The following MYO10 variants were observed in gnomAD, a reference collection of about 807,000 sequenced individuals.
MYO10 encodes myosin X, also known as unconventional myosin-X.
A neutral mutation model predicts 257.3 loss-of-function variants in MYO10; 133 were observed. The observed-to-expected ratio is 0.52, with a 90% CI of 0.45 to 0.60. The LOEUF is 0.60. MYO10 is among the 20% of genes least tolerant of loss of function. The pLI is 0.00. For missense variants in MYO10, 2,399 were observed against 2,635.7 expected (o/e 0.91, Z 1.97); for synonymous variants, 1,104 against 1,028.6 (o/e 1.07, Z -1.40).
chr5:16,677,033 C>G (rs1472013921), intron 33 of MYO10, among the ~76,000 whole-genome samples: 1 of 152,108 alleles, frequency 6.6e-6, no homozygotes, highest in Non-Finnish European at 1.5e-5. Context: ...GGAGACTGTC[C>G]TTCCACGTGC....
chr5:16,678,656 C>T (rs2126488167), intron 33 of MYO10, among the ~76,000 whole-genome samples: 2 of 152,344 alleles, frequency 1.3e-5, no homozygotes, highest in Admixed American at 1.3e-4. Flanking sequence ...GAACATACCA[C>T]TTTGGAATCA....
intron 6 of MYO10, among the ~76,000 whole-genome samples, 167 bp from the exon 7 acceptor site, chr5:16,780,908 T>C (rs1327291222): frequency 1.3e-5 from 2 of 152,160 alleles, no homozygotes; most frequent in East Asian, 1.9e-4. Flanking sequence ...TATAGACTAT[T>C]TCATCTAAAT....
chr5:16,852,665 A>G (rs1233828079), intron 2 of MYO10, among the ~76,000 whole-genome samples: 2 of 151,804 alleles, frequency 1.3e-5, no homozygotes, highest in Non-Finnish European at 2.9e-5. Context: ...ATGAGGCCTG[A>G]TCCATACATG....
rs188581415 is a variant in MYO10, at chr5:16,902,560, G to A, written c.22-24853C>T. 4.9e-3 allele frequency: 7,738 copies of A among 1,575,992 alleles called. 25 individuals carry two copies. The highest frequency in any genetic ancestry group is 6.2e-3 in the Non-Finnish European group (7,151 of 1,159,302). On this transcript the variant is annotated intron_variant, in intron 1 of 40. Coordinates refer to ENST00000513610, the MANE Select transcript of MYO10 (RefSeq NM_012334.3). ...ATGGCCTTGTCCTTGGGCACGCATC[G>A]GGCACAGTTAGTGCAGCGAATAGGC...
chr5:16,736,729 CAGAAAAAGAAAAGA>C (rs1349984514), intron 19 of MYO10, among the ~76,000 whole-genome samples: 1 of 152,108 alleles, frequency 6.6e-6, no homozygotes, highest in Admixed American at 6.5e-5. Context: ...CAGTCAATAC[CAGAAAAAGAAAAGA>C]AGAAAAAGAA....
intron 3 of MYO10, 62 bp from the exon 4 acceptor site, chr5:16,794,895 A>C: frequency 3.9e-6 from 5 of 1,276,940 alleles, no homozygotes; most frequent in Non-Finnish European, 5.1e-6. Context: ...GATGAGCTCC[A>C]ACAAAACCCA....
intron 37 of MYO10, 45 bp from the exon 38 acceptor site, chr5:16,671,587 G>A (rs766408102): frequency 9.3e-6 from 15 of 1,612,170 alleles, no homozygotes; most frequent in Non-Finnish European, 1.1e-5. Flanking sequence ...AACGAGAAGG[G>A]CCTTCAGTGA....
intron 9 of MYO10, 82 bp downstream of exon 9, chr5:16,779,463 C>G (rs573397627): frequency 1.3e-6 from 1 of 785,434 alleles, no homozygotes. Context: ...TTAAAAAAAT[C>G]TTTTGAAACC....
Position 16,701,680 on chromosome 5 carries a change from C to T in MYO10, c.2715G>A (p.Glu905=), listed in dbSNP as rs371208902. The stretch of plus-strand genomic sequence containing the variant: ...CCTCGGTCAGCGACAGCTCCTGCTG[C>T]TCCTTCATGCGCTGCAGGTCCTCGA... ...KEIEDLQRMK[E]QQELSLTEAS... The change falls in exon 25 of 41, where the codon GAG becomes GAA. Residue 905 remains glutamate, a synonymous_variant. Transcript: ENST00000513610. The surrounding 1 kb of genome is among the most constrained non-coding windows in gnomAD (Gnocchi z 8.1). The T allele has an allele frequency of 1.4e-4, 232 of 1,613,328 alleles. No homozygotes were observed. The highest frequency in any genetic ancestry group is 1.8e-4 in the Non-Finnish European group (217 of 1,179,428).
intron 3 of MYO10, among the ~76,000 whole-genome samples, chr5:16,805,514 G>A (rs1370788817): frequency 6.8e-6 from 1 of 148,138 alleles, no homozygotes; most frequent in Non-Finnish European, 1.5e-5. Flanking sequence ...AGGTCTATGA[G>A]ACAACATTTG....
At chr5:16,891,850 A>C (rs968248814) in intron 1 of MYO10, among the ~76,000 whole-genome samples, 1 of 152,268 alleles carries the variant, frequency 6.6e-6, no homozygotes, top group Admixed American at 6.5e-5. Flanking sequence ...ATCAGCTCTC[A>C]TTTTCATCAC....
rs1304823428 is a variant in MYO10 at position 16,766,158 on chromosome 5, T to C, written c.1101A>G (p.Thr367=). The change falls in exon 11 of 41, where the codon ACA becomes ACG. Residue 367 remains threonine (T), a synonymous_variant. Coordinates refer to ENST00000513610, the MANE Select transcript of MYO10 (RefSeq NM_012334.3). ...TCTGGGTCAAAGCATCTGTGAGCTG[T>C]GTTGGGTCCAGCCCAAGTAACTCCG... ...RSAELLGLDP[T]QLTDALTQRS... is the part of the protein sequence containing the mutation. 2 of 1,613,772 alleles carry C rather than the reference T, an allele frequency of 1.2e-6. No homozygotes were observed. Among genetic ancestry groups the C allele is most frequent in the African/African-American group, 2.7e-5 (2 of 74,902 alleles).
intron 8 of MYO10, 132 bp downstream of exon 8, chr5:16,780,392 G>T: frequency 1.2e-6 from 1 of 824,386 alleles, no homozygotes; most frequent in Non-Finnish European, 1.9e-6. Context: ...TCTTTTTGGT[G>T]TTCGCATAGT....
intron 2 of MYO10, among the ~76,000 whole-genome samples, chr5:16,850,116 T>C (rs115306959): frequency 0.04 from 6,153 of 152,296 alleles, 274 homozygotes; most frequent in African/African-American, 0.093. Flanking sequence ...TGGTCTACAC[T>C]GATATCCTTC....
chr5:16,674,734 G>A (rs1335462141), intron 35 of MYO10, 119 bp downstream of exon 35: 1 of 1,165,822 alleles, frequency 8.6e-7, no homozygotes, highest in South Asian at 1.4e-5. Flanking sequence ...CTGACCCAGA[G>A]GTCCCTGTCC....
chr5:16,780,862 T>G, intron 6 of MYO10, 121 bp from the exon 7 acceptor site: 1 of 1,039,380 alleles, frequency 9.6e-7, no homozygotes, highest in Non-Finnish European at 1.4e-6. Context: ...TCCTTTGACA[T>G]AGAAGCTTCC....
chr5:16,846,258 A>G (rs1332895835), intron 2 of MYO10, among the ~76,000 whole-genome samples: 2 of 152,242 alleles, frequency 1.3e-5, no homozygotes, highest in East Asian at 3.8e-4. Flanking sequence ...AAGTACCATG[A>G]GACTAAACAG....
chr5:16,919,471 C>G (rs183070615), intron 1 of MYO10, among the ~76,000 whole-genome samples: 10,477 of 152,252 alleles, frequency 0.069, 417 homozygotes, highest in African/African-American at 0.11. Flanking sequence ...GGCCTCCTAT[C>G]CTGGCTCTAT....
chr5:16,909,001 CTA>C (rs1745586161), intron 1 of MYO10, among the ~76,000 whole-genome samples: 1 of 152,200 alleles, frequency 6.6e-6, no homozygotes, highest in Non-Finnish European at 1.5e-5. Context: ...TGAACAGGTG[CTA>C]TGTCTTGGAC....
Sources: allele counts gnomAD v4.1 joint callset (sites outside exome capture counted in the v4.1 genomes callset), GRCh38; gene constraint gnomAD v4.1.1; non-coding constraint Gnocchi (gnomAD v3.1); transcripts MANE v1.5; gene names NCBI Gene and HGNC (gene_info 2026-07-23, HGNC 2026-07-21).